The following GFRA1 variants were observed in gnomAD, a reference collection of about 807,000 sequenced individuals.
The protein encoded by GFRA1 is GDNF family receptor alpha 1, also known as GDNF family receptor alpha-1.
Under a neutral mutation model 51.6 loss-of-function variants are expected in GFRA1, and 16 were observed. The observed-to-expected ratio is 0.31, with a 90% CI of 0.21 to 0.47. The LOEUF is 0.47. Ranked by LOEUF, GFRA1 falls within the 20% of genes least tolerant of loss-of-function variation. The probability of loss-of-function intolerance (pLI) is 1.00; values close to 1 mark genes in which losing one functional copy is unlikely to be tolerated. For synonymous variants in GFRA1, 270 were observed against 241.3 expected (o/e 1.12, Z -1.10); for missense variants, 530 against 594.3 (o/e 0.89, Z 1.13).
intron 5 of GFRA1, among the ~76,000 whole-genome samples, chr10:116,156,953 C>A (rs1257220528): frequency 1.3e-5 from 2 of 152,292 alleles, no homozygotes; most frequent in Admixed American, 1.3e-4. Flanking sequence ...CTAATTATAA[C>A]TAGCTACTCT....
chr10:116,059,554 G>A lies in GFRA1; in HGVS notation c.*4844C>T, dbSNP rs1954700091. The A allele has an allele frequency of 6.6e-6, 1 of 152,300 alleles. No homozygotes were observed. Among genetic ancestry groups the A allele is most frequent in the Non-Finnish European group, 1.5e-5 (1 of 68,104 alleles). 9.4% of individuals were successfully genotyped at this position (152,300 alleles called of 1,614,324 possible). A position where few individuals can be genotyped will look rare whatever the true frequency, so the allele number is the denominator to read the frequency against. ...GAGCTTGGAGACCTTAGGGGGCTGA[G>A]ACCTCAACGACTATTAGCAGGCTGT... is the stretch of plus-strand genomic sequence containing the variant. On this transcript the variant is annotated 3_prime_UTR_variant, in exon 11 of 11. Transcript: ENST00000355422.
At chr10:116,139,279 G>C (rs1397361968) in intron 5 of GFRA1, among the ~76,000 whole-genome samples, 1 of 152,188 alleles carries the variant, frequency 6.6e-6, no homozygotes, top group African/African-American at 2.4e-5. Flanking sequence ...TTTTGGGGTT[G>C]TTGTGTCCCT....
chr10:116,118,551 C>T (rs566928936), intron 6 of GFRA1, among the ~76,000 whole-genome samples: 66 of 151,978 alleles, frequency 4.3e-4, no homozygotes, highest in African/African-American at 1.5e-3. Flanking sequence ...TCCACCAAGG[C>T]CTGATCTGAA....
At chr10:116,210,559 A>G (rs1965113883) in intron 5 of GFRA1, among the ~76,000 whole-genome samples, 1 of 152,144 alleles carries the variant, frequency 6.6e-6, no homozygotes, top group South Asian at 2.1e-4. Context: ...GGATTTATAA[A>G]TTATTTATAA....
At chr10:116,170,204 A>G (rs962106480) in intron 5 of GFRA1, among the ~76,000 whole-genome samples, 1 of 152,210 alleles carries the variant, frequency 6.6e-6, no homozygotes, top group Admixed American at 6.5e-5. Context: ...GTTATCTGCT[A>G]TGTGATGCTG....
At chr10:116,251,523 CAG>C (rs1445656286) in intron 4 of GFRA1, among the ~76,000 whole-genome samples, 5 of 152,102 alleles carry the variant, frequency 3.3e-5, no homozygotes, top group African/African-American at 9.7e-5. Flanking sequence ...TCTGCTTTAC[CAG>C]AGAGGAACAG....
chr10:116,098,359 G>A (rs1324085848), intron 6 of GFRA1, among the ~76,000 whole-genome samples: 2 of 152,354 alleles, frequency 1.3e-5, no homozygotes, highest in East Asian at 3.9e-4. Context: ...TGAACACACT[G>A]AAAGATATAA....
chr10:116,220,414 G>T (rs1488039943), intron 4 of GFRA1, among the ~76,000 whole-genome samples: 2 of 152,164 alleles, frequency 1.3e-5, no homozygotes, highest in Non-Finnish European at 2.9e-5. Flanking sequence ...TAATCAGGTT[G>T]GTTACCCAGT....
chr10:116,195,109 T>C (rs1340563024), intron 5 of GFRA1, among the ~76,000 whole-genome samples: 1 of 152,204 alleles, frequency 6.6e-6, no homozygotes, highest in African/African-American at 2.4e-5. Flanking sequence ...ATTTGGGCCA[T>C]AGTTTGCCAA....
rs142375420 is a variant in GFRA1 at position 116,234,620 on chromosome 10, A to T, written c.419-22975T>A. On this transcript the variant is annotated intron_variant, in intron 4 of 10. Coordinates refer to ENST00000355422, the MANE Select transcript of GFRA1 (RefSeq NM_005264.8). ...TAATGTTTCTCTAGTATATGCGAAC[A>T]TTCTATAATGTAAATTACATTACAT... Among the ~76,000 whole-genome samples the T allele has an allele frequency of 6.6e-5, 10 of 152,356 alleles. No individual in the cohort carries two copies. In the East Asian group the frequency reaches 1.9e-3, roughly 29 times the overall value.
At chr10:116,252,963 G>A (rs982668870) in intron 4 of GFRA1, among the ~76,000 whole-genome samples, 2 of 152,126 alleles carry the variant, frequency 1.3e-5, no homozygotes, top group African/African-American at 2.4e-5. Flanking sequence ...TGCACCCCCC[G>A]GCCAATATAA....
intron 4 of GFRA1, among the ~76,000 whole-genome samples, chr10:116,267,424 C>G (rs1969747740): frequency 6.6e-6 from 1 of 152,114 alleles, no homozygotes; most frequent in African/African-American, 2.4e-5. Flanking sequence ...CGAGATCATG[C>G]CACTGCACTC....
intron 4 of GFRA1, among the ~76,000 whole-genome samples, chr10:116,239,905 C>T (rs550272646): frequency 5.9e-5 from 9 of 152,164 alleles, no homozygotes; most frequent in East Asian, 3.9e-4. Context: ...TTCACAATAG[C>T]GCCCTGTTAA....
At chr10:116,226,798 AC>A in intron 4 of GFRA1, 1 of 410,536 alleles carries the variant, frequency 2.4e-6, no homozygotes, top group Non-Finnish European at 5.0e-6. Flanking sequence ...AGAGGGTCCT[AC>A]CTGGGAGGGA....
chr10:116,213,366 A>C (rs1965342141), intron 4 of GFRA1, among the ~76,000 whole-genome samples: 1 of 152,172 alleles, frequency 6.6e-6, no homozygotes. Flanking sequence ...TTTTGAATGA[A>C]AATATCAGAT....
intron 5 of GFRA1, among the ~76,000 whole-genome samples, chr10:116,208,745 C>G (rs377595795): frequency 1.3e-5 from 2 of 152,176 alleles, no homozygotes; most frequent in African/African-American, 4.8e-5. Context: ...GTTGAGGCAA[C>G]GGATGAGCAT....
intron 6 of GFRA1, among the ~76,000 whole-genome samples, chr10:116,123,414 G>A (rs1409992135): frequency 5.3e-5 from 8 of 152,180 alleles, no homozygotes; most frequent in African/African-American, 1.9e-4. Context: ...TTTTAGAAAG[G>A]AGGAGAAACA....
At chr10:116,078,151 C>T (rs1259377828) in intron 9 of GFRA1, among the ~76,000 whole-genome samples, 3 of 152,128 alleles carry the variant, frequency 2.0e-5, no homozygotes, top group Non-Finnish European at 2.9e-5. Context: ...CATTTCCAAT[C>T]GAGTTGAATA....
At chr10:116,230,706 A>T (rs1161618827) in intron 4 of GFRA1, among the ~76,000 whole-genome samples, 3 of 97,334 alleles carry the variant, frequency 3.1e-5, no homozygotes, top group Non-Finnish European at 6.0e-5. Flanking sequence ...AACTAGGCAC[A>T]TGTGGACAGA....
Sources: allele counts gnomAD v4.1 joint callset (sites outside exome capture counted in the v4.1 genomes callset), GRCh38; gene constraint gnomAD v4.1.1; transcripts MANE v1.5; gene names NCBI Gene and HGNC (gene_info 2026-07-23, HGNC 2026-07-21).